Variants in PRKCB observed in about 807,000 individuals in gnomAD.
PRKCB encodes the protein protein kinase C beta type.
Under a neutral mutation model 81.5 loss-of-function variants are expected in PRKCB, and 13 were observed. The observed-to-expected ratio is 0.16, with a 90% CI of 0.10 to 0.25. The LOEUF is 0.25. Among genes scored for constraint, PRKCB ranks in the 10% least tolerant of loss-of-function variants. PRKCB has a pLI of 1.00. For synonymous variants in PRKCB, 335 were observed against 321.4 expected (o/e 1.04, Z -0.45); for missense variants, 509 against 875.7 (o/e 0.58, Z 5.29).
At chr16:23,844,465 A>G (rs984910064) in intron 2 of PRKCB, among the ~76,000 whole-genome samples, 1 of 151,930 alleles carries the variant, frequency 6.6e-6, no homozygotes, top group Admixed American at 6.6e-5. Context: ...CTGTTTATCT[A>G]TTTGTCCATC....
At chr16:24,136,185 T>C (rs917680103) in intron 9 of PRKCB, among the ~76,000 whole-genome samples, 3 of 151,134 alleles carry the variant, frequency 2.0e-5, no homozygotes, top group Admixed American at 6.6e-5. Context: ...CTCTCCTCAA[T>C]GAAGTGACTT....
chr16:24,017,151 T>C (rs577055143), intron 3 of PRKCB, among the ~76,000 whole-genome samples: 1 of 152,142 alleles, frequency 6.6e-6, no homozygotes, highest in South Asian at 2.1e-4. Flanking sequence ...TATACTATGG[T>C]ATGGTGCAAC....
chr16:24,003,351 A>G (rs149399953), intron 3 of PRKCB, among the ~76,000 whole-genome samples: 1 of 149,970 alleles, frequency 6.7e-6, no homozygotes, highest in East Asian at 2.0e-4. Flanking sequence ...AAAGATGGCA[A>G]CCCTAGTGGA....
intron 5 of PRKCB, among the ~76,000 whole-genome samples, chr16:24,091,423 A>G (rs913615680): frequency 3.9e-5 from 6 of 152,176 alleles, no homozygotes; most frequent in Non-Finnish European, 8.8e-5. Flanking sequence ...GATGATTGAC[A>G]TTGTATCCTT....
intron 9 of PRKCB, among the ~76,000 whole-genome samples, chr16:24,146,409 G>A (rs1966990517): frequency 6.6e-6 from 1 of 152,180 alleles, no homozygotes; most frequent in Non-Finnish European, 1.5e-5. Context: ...TCTCTCAGCA[G>A]CACCAAAAGC....
intron 9 of PRKCB, among the ~76,000 whole-genome samples, chr16:24,137,600 C>T (rs551525473): frequency 6.6e-6 from 1 of 152,302 alleles, no homozygotes; most frequent in South Asian, 2.1e-4. Context: ...AACTCTGTCT[C>T]AGGTGATCAT....
At chr16:24,171,363 G>A (rs1158268852) in intron 10 of PRKCB, among the ~76,000 whole-genome samples, 1 of 152,174 alleles carries the variant, frequency 6.6e-6, no homozygotes, top group Non-Finnish European at 1.5e-5. Context: ...TGGCATGGCG[G>A]CAGGCTTCCC....
chr16:23,890,908 A>T (rs1963282549), intron 2 of PRKCB, among the ~76,000 whole-genome samples: 1 of 151,806 alleles, frequency 6.6e-6, no homozygotes, highest in South Asian at 2.1e-4. Flanking sequence ...CTTCCCTCTC[A>T]CTTCATCCCT....
intron 2 of PRKCB, among the ~76,000 whole-genome samples, chr16:23,888,237 G>A (rs1963235573): frequency 1.3e-5 from 2 of 152,214 alleles, no homozygotes; most frequent in Non-Finnish European, 2.9e-5. Flanking sequence ...GACAGATGCT[G>A]ATACCAAGTG....
At position 24,216,440 on chromosome 16, in the gene PRKCB, C is replaced by G. The variant is rs368007255; in HGVS notation, c.*1624C>G. ...AAGGCAGCAGGTGACTCCCCCTCCT[C>G]GCCTGCCGTGTCCTGCTATTCTCAG... On this transcript the variant is annotated 3_prime_UTR_variant, in exon 17 of 17. Transcript: ENST00000643927. 6.1e-5 allele frequency: 60 copies of G among 985,446 alleles called. No individual in the cohort carries two copies. In the East Asian group the frequency reaches 1.7e-3, roughly 28 times the overall value. 61.0% of individuals were successfully genotyped at this position (985,446 alleles called of 1,614,324 possible).
rs956172724 is a variant in PRKCB at position 23,998,420 on chromosome 16, G to A, written c.288+9830G>A. Among the ~76,000 whole-genome samples, 12 of 152,240 alleles carry A rather than the reference G, an allele frequency of 7.9e-5. No individual in the cohort carries two copies. In the South Asian group the frequency reaches 1.7e-3, roughly 21 times the overall value. On this transcript the variant is annotated intron_variant, in intron 3 of 16. Coordinates refer to ENST00000643927, the MANE Select transcript of PRKCB (RefSeq NM_002738.7). ...TTGTGCCTACACCGTAGATGAGGGCGTGAGTGCCCCTTCCATGGATTGAGA... is the reference window on the plus strand; with the variant it reads ...TTGTGCCTACACCGTAGATGAGGGCATGAGTGCCCCTTCCATGGATTGAGA...
In PRKCB at chr16:24,035,494, G is replaced by A. The variant is rs923149142; in HGVS notation, c.476G>A (p.Arg159His). 1.9e-6 allele frequency: 3 copies of A among 1,614,182 alleles called. No homozygotes were observed. The highest frequency in any genetic ancestry group is 2.5e-6 in the Non-Finnish European group (3 of 1,180,022). The stretch of plus-strand genomic sequence containing the variant: ...TGTGGCACGGACCACACGGAGCGCC[G>A]CGGCCGCATCTACATCCAGGCCCAC... ...SLCGTDHTERRGRIYIQAHID... is the reference protein window; with the variant it reads ...SLCGTDHTERHGRIYIQAHID... Residue 159 changes from arginine (R) to histidine (H), a missense_variant, in exon 5 of 17, where the codon CGC (arginine) becomes CAC (histidine). Transcript: ENST00000643927.
At chr16:24,016,794 C>T (rs944464959) in intron 3 of PRKCB, among the ~76,000 whole-genome samples, 1 of 152,204 alleles carries the variant, frequency 6.6e-6, no homozygotes, top group African/African-American at 2.4e-5. Context: ...TCACATCCCA[C>T]CTCACCCCTT....
Position 24,181,038 on chromosome 16 carries a change from G to A in PRKCB, c.1533+110G>A, listed in dbSNP as rs78001057. On this transcript the variant is annotated intron_variant, in intron 13 of 16. Coordinates refer to ENST00000643927, the MANE Select transcript of PRKCB (RefSeq NM_002738.7). Reference sequence around the variant, plus strand: ...GGGTGGTACCTTGCAAGGGAACCTCGGACAGATTCTTATTCTATACTCTAA... The same window carrying A: ...GGGTGGTACCTTGCAAGGGAACCTCAGACAGATTCTTATTCTATACTCTAA... 552 of 1,357,854 alleles carry A rather than the reference G, an allele frequency of 4.1e-4. 1 individual carries two copies. The African/African-American group carries it at 7.2e-3, about 18-fold the overall frequency. 84.1% of individuals were successfully genotyped at this position (1,357,854 alleles called of 1,614,324 possible). A position where few individuals can be genotyped will look rare whatever the true frequency, so the allele number is the denominator to read the frequency against.
intron 5 of PRKCB, among the ~76,000 whole-genome samples, chr16:24,087,139 C>T (rs1055656186): frequency 1.3e-5 from 2 of 152,092 alleles, no homozygotes; most frequent in African/African-American, 4.8e-5. Context: ...TTCCCAAGAA[C>T]AAAAATATTC....
Position 23,974,740 on chromosome 16 carries a change from G to GA in PRKCB, c.206-13758dup, listed in dbSNP as rs902069020. 2.1e-3 allele frequency among the ~76,000 whole-genome samples: 318 copies of GA among 149,070 alleles called. 1 individual carries two copies. The highest frequency in any genetic ancestry group is 6.9e-3 in the African/African-American group (280 of 40,702). Reference sequence around the variant, plus strand: ...ACAAAAGAACTCTAGTTATCTAAAGGAAAAAAAAAACTGGAAATATTATGG... The same window carrying GA: ...ACAAAAGAACTCTAGTTATCTAAAGGAAAAAAAAAAACTGGAAATATTATGG... On this transcript the variant is annotated intron_variant, in intron 2 of 16. Coordinates refer to ENST00000643927, the MANE Select transcript of PRKCB (RefSeq NM_002738.7).
At chr16:23,862,745 G>A (rs931467467) in intron 2 of PRKCB, among the ~76,000 whole-genome samples, 12 of 152,070 alleles carry the variant, frequency 7.9e-5, no homozygotes, top group African/African-American at 2.9e-4. Context: ...TTCCCCAATT[G>A]TCAGAGGCAC....
chr16:23,965,668 G>A (rs1253291885), intron 2 of PRKCB, among the ~76,000 whole-genome samples: 1 of 152,226 alleles, frequency 6.6e-6, no homozygotes, highest in Non-Finnish European at 1.5e-5. Flanking sequence ...CGCTGTGAAA[G>A]TGTAGACTTG....
At chr16:24,190,965 A>AT (rs1596590747) in intron 15 of PRKCB, 125 bp from the exon 16 acceptor site, 3 of 1,269,098 alleles carry the variant, frequency 2.4e-6, no homozygotes, top group East Asian at 5.0e-5. Flanking sequence ...AAAGCAAAAA[A>AT]CAAAAATGAG....
Sources: allele counts gnomAD v4.1 joint callset (sites outside exome capture counted in the v4.1 genomes callset), GRCh38; gene constraint gnomAD v4.1.1; transcripts MANE v1.5; gene names NCBI Gene and HGNC (gene_info 2026-07-23, HGNC 2026-07-21).